Variants in CEP57L1 observed in about 807,000 individuals in gnomAD.
CEP57L1 encodes centrosomal protein CEP57L1.
Under a neutral mutation model 61.0 loss-of-function variants are expected in CEP57L1, and 37 were observed. The observed-to-expected ratio is 0.61, with a 90% CI of 0.47 to 0.80. The LOEUF is 0.80. Among genes scored for constraint, CEP57L1 ranks in the 30% least tolerant of loss-of-function variants. The pLI is 0.00. For synonymous variants in CEP57L1, 137 were observed against 162.3 expected, an observed-to-expected ratio of 0.84 and a Z score of 1.19; for missense variants, 422 against 524.7, an observed-to-expected ratio of 0.80 and a Z score of 1.91.
At chr6:109,115,042 T>C (rs951731032) in intron 1 of CEP57L1, among the ~76,000 whole-genome samples, 2 of 152,118 alleles carry the variant, frequency 1.3e-5, no homozygotes, top group Non-Finnish European at 2.9e-5. Flanking sequence ...TTAAAGCAAC[T>C]AAATTAATCA....
In CEP57L1 at chr6:109,146,743, AT is replaced by A. The variant is rs760081744; in HGVS notation, c.161-7del. ...AACTTTCACTTAAAATATCAACAAA[AT>A]TTTTTTTCAACAGCTCTTATTTTAG... On this transcript the variant is annotated splice_polypyrimidine_tract_variant and intron_variant, in intron 2 of 10. Transcript: ENST00000517392. The A allele has an allele frequency of 5.3e-6, 8 of 1,515,180 alleles. No homozygotes were observed. The highest frequency in any genetic ancestry group is 4.7e-5 in the East Asian group (2 of 42,112). The allele number at this position is 1,515,180 out of a possible 1,614,324, so 93.9% of individuals were successfully genotyped here. A position where few individuals can be genotyped will look rare whatever the true frequency, so the allele number is the denominator to read the frequency against.
rs569758210 is a variant in CEP57L1 at position 109,163,755 on chromosome 6, A to C, written c.*785A>C. ...GTATTTTTTTTTTGTACAAGAAAGT[A>C]TAGAGGAAGAGGAAGCTGGGCATTA... is the stretch of plus-strand genomic sequence containing the variant. On this transcript the variant is annotated 3_prime_UTR_variant, in exon 11 of 11. Transcript: ENST00000517392. 1.3e-5 allele frequency: 2 copies of C among 152,128 alleles called. No homozygotes were observed. Among genetic ancestry groups the C allele is most frequent in the Non-Finnish European group, 2.9e-5 (2 of 68,026 alleles). The allele number at this position is 152,128 out of a possible 1,614,324, so 9.4% of individuals were successfully genotyped here.
At position 109,171,242 on chromosome 6, in the gene CEP57L1, A is replaced by ATTTTT. The variant is rs751539209; in HGVS notation, c.*8281_*8285dup. Among the ~76,000 whole-genome samples the ATTTTT allele has an allele frequency of 6.0e-3, 867 of 143,480 alleles. 21 individuals are homozygous for ATTTTT. Among genetic ancestry groups the ATTTTT allele is most frequent in the African/African-American group, 0.021 (823 of 39,018 alleles). 94.1% of individuals were successfully genotyped at this position (143,480 alleles called of 152,430 possible). ...AAATAATGCCACAAAGTAGAGTTTG[A>ATTTTT]TTTTTTTTTTTTTGAGACGGAGTTT... On this transcript the variant is annotated 3_prime_UTR_variant, in exon 11 of 11. Coordinates refer to ENST00000517392, the MANE Select transcript of CEP57L1 (RefSeq NM_001271852.3).
intron 1 of CEP57L1, among the ~76,000 whole-genome samples, chr6:109,143,472 A>C (rs937675779): frequency 6.6e-6 from 1 of 152,144 alleles, no homozygotes; most frequent in African/African-American, 2.4e-5. Flanking sequence ...CTGTGTCACA[A>C]CATAACTTGT....
intron 1 of CEP57L1, among the ~76,000 whole-genome samples, chr6:109,121,893 A>G (rs1047393309): frequency 2.0e-5 from 3 of 152,258 alleles, no homozygotes; most frequent in Middle Eastern, 3.2e-3. Context: ...GTATGAAATT[A>G]TAAAGTACAT....
rs979672830 is a variant in CEP57L1, at chr6:109,168,610, T to A, written c.*5640T>A. 2.7e-5 allele frequency among the ~76,000 whole-genome samples: 4 copies of A among 150,168 alleles called. No individual in the cohort carries two copies. ...CCAGCATTTTTTTTTTTTTTTTTTT[T>A]TTGAGATTGGAGTCTCGCTCCTTCA... is the stretch of plus-strand genomic sequence containing the variant. On this transcript the variant is annotated 3_prime_UTR_variant, in exon 11 of 11. Coordinates refer to ENST00000517392, the MANE Select transcript of CEP57L1 (RefSeq NM_001271852.3).
intron 1 of CEP57L1, among the ~76,000 whole-genome samples, chr6:109,142,257 T>TGA (rs1771462109): frequency 6.6e-6 from 1 of 152,180 alleles, no homozygotes; most frequent in Non-Finnish European, 1.5e-5. Flanking sequence ...GTGGTACATA[T>TGA]ATTCCATGGA....
At chr6:109,153,560 T>C (rs1307569408) in intron 4 of CEP57L1, among the ~76,000 whole-genome samples, 1 of 151,972 alleles carries the variant, frequency 6.6e-6, no homozygotes, top group African/African-American at 2.4e-5. Flanking sequence ...TTGCGTGTTA[T>C]ATTTGCTCCT....
In CEP57L1 at chr6:109,095,544, G is replaced by C. The variant is rs1781584834; in HGVS notation, c.-35G>C. ...GGGTGCCCGCGAACCAACGGTTAGC[G>C]GTGGCAGGGGCTGACTGAGAGCGTC... On this transcript the variant is annotated 5_prime_UTR_variant, in exon 1 of 11. Transcript: ENST00000517392. 1.0e-6 allele frequency: 1 copy of C among 985,714 alleles called. No homozygotes were observed. The highest frequency in any genetic ancestry group is 1.2e-6 in the Non-Finnish European group (1 of 829,938). The allele number at this position is 985,714 out of a possible 1,614,324, so 61.1% of individuals were successfully genotyped here. A position where few individuals can be genotyped will look rare whatever the true frequency, so the allele number is the denominator to read the frequency against.
At chr6:109,095,167 G>C (rs747300177), upstream of CEP57L1, 31 of 985,412 alleles carry the variant, frequency 3.1e-5, no homozygotes, top group Non-Finnish European at 3.6e-5. Context: ...TGGGCCAAGC[G>C]CCCCCGGAGG....
intron 1 of CEP57L1, among the ~76,000 whole-genome samples, chr6:109,138,697 T>C (rs1771010599): frequency 6.6e-6 from 1 of 152,222 alleles, no homozygotes; most frequent in Non-Finnish European, 1.5e-5. Flanking sequence ...GTTTGAAATG[T>C]TAAAAATTGT....
In CEP57L1 at chr6:109,165,152, C is replaced by T. The variant is rs1479323027; in HGVS notation, c.*2182C>T. On this transcript the variant is annotated 3_prime_UTR_variant, in exon 11 of 11. Transcript: ENST00000517392. Reference sequence around the variant, plus strand: ...CTGAGAATTTTCTTAAAAATTAGTCCAGTGTAGTAGAAAAAACCACAACTT... The same window carrying T: ...CTGAGAATTTTCTTAAAAATTAGTCTAGTGTAGTAGAAAAAACCACAACTT... Among the ~76,000 whole-genome samples the T allele has an allele frequency of 1.3e-5, 2 of 151,538 alleles. No homozygotes were observed. The highest frequency in any genetic ancestry group is 2.9e-5 in the Non-Finnish European group (2 of 67,904).
intron 1 of CEP57L1, among the ~76,000 whole-genome samples, chr6:109,114,402 G>A (rs1356318486): frequency 6.6e-6 from 1 of 151,844 alleles, no homozygotes; most frequent in East Asian, 1.9e-4. Context: ...TTTTTAATAG[G>A]GTTGTTTTCT....
In CEP57L1 at chr6:109,168,698, C is replaced by A. The variant is rs898737106; in HGVS notation, c.*5728C>A. Among the ~76,000 whole-genome samples the A allele has an allele frequency of 2.7e-5, 4 of 149,756 alleles. No homozygotes were observed. The highest frequency in any genetic ancestry group is 9.8e-5 in the African/African-American group (4 of 40,666). On this transcript the variant is annotated 3_prime_UTR_variant, in exon 11 of 11. Coordinates refer to ENST00000517392, the MANE Select transcript of CEP57L1 (RefSeq NM_001271852.3). ...GCAACCTCCACCTCCCAGGTTCAAG[C>A]AATTCTCCTGCCTCAGCCTCCCAAG...
chr6:109,119,560 G>A (rs897029953), intron 1 of CEP57L1, among the ~76,000 whole-genome samples: 5 of 152,176 alleles, frequency 3.3e-5, no homozygotes, highest in Admixed American at 6.5e-5. Flanking sequence ...TTGGATATAC[G>A]TTTGAGGTGC....
At chr6:109,096,140 G>T (rs1020305671) in intron 1 of CEP57L1, among the ~76,000 whole-genome samples, 1 of 152,170 alleles carries the variant, frequency 6.6e-6, no homozygotes, top group Non-Finnish European at 1.5e-5. Context: ...TCAGTCATTT[G>T]CTTAAAATTA....
At chr6:109,096,654 A>G (rs1240011820) in intron 1 of CEP57L1, among the ~76,000 whole-genome samples, 4 of 152,218 alleles carry the variant, frequency 2.6e-5, no homozygotes, top group African/African-American at 9.6e-5. Context: ...TTTTGAATAG[A>G]TGCATAGTTC....
At position 109,162,950 on chromosome 6, in the gene CEP57L1, GA is replaced by G; in HGVS notation, c.1364del (p.Asp455ValfsTer15). ...HNLQMKLRRD[D>X]IMWEQ ...TCTTCAAATGAAATTGAGAAGAGATGATATCATGTGGGAACAGTAACAAAAC... is the reference window on the plus strand; with the variant it reads ...TCTTCAAATGAAATTGAGAAGAGATGTATCATGTGGGAACAGTAACAAAAC... On this transcript the variant is annotated frameshift_variant, in exon 11 of 11. Transcript: ENST00000517392. LOFTEE classifies it high-confidence loss of function. 6.2e-7 allele frequency: 1 copy of G among 1,610,872 alleles called. No homozygotes were observed. The highest frequency in any genetic ancestry group is 8.5e-7 in the Non-Finnish European group (1 of 1,177,918).
intron 1 of CEP57L1, among the ~76,000 whole-genome samples, chr6:109,134,606 A>G (rs1374781888): frequency 6.6e-6 from 1 of 152,208 alleles, no homozygotes; most frequent in East Asian, 1.9e-4. Flanking sequence ...TCATTTAGGA[A>G]AAGAGGAAAT....
Sources: allele counts gnomAD v4.1 joint callset (sites outside exome capture counted in the v4.1 genomes callset), GRCh38; gene constraint gnomAD v4.1.1; transcripts MANE v1.5; gene names NCBI Gene and HGNC (gene_info 2026-07-23, HGNC 2026-07-21).